The following FERRY3 variants were observed in gnomAD, a reference collection of about 807,000 sequenced individuals.
FERRY3 encodes FERRY endosomal RAB5 effector complex subunit 3.
chr12:4,534,138 A>G, the FERRY3 span: 3 of 1,537,684 alleles, frequency 2.0e-6, no homozygotes, highest in Non-Finnish European at 2.6e-6. Flanking sequence ...GAAATTTACA[A>G]TCTGACCTAT....
At chr12:4,523,908 T>C in the FERRY3 span, among the ~76,000 whole-genome samples, 1 of 152,102 alleles carries the variant, frequency 6.6e-6, no homozygotes, top group Non-Finnish European at 1.5e-5. Flanking sequence ...TGTATACATA[T>C]GTAACAAACC....
the FERRY3 span, among the ~76,000 whole-genome samples, chr12:4,495,871 G>A: frequency 6.6e-6 from 1 of 152,158 alleles, no homozygotes; most frequent in African/African-American, 2.4e-5. Flanking sequence ...TTTCATCAAT[G>A]CTATTTAGAG....
At chr12:4,520,362 TGAAC>T in the FERRY3 span, among the ~76,000 whole-genome samples, 3 of 152,106 alleles carry the variant, frequency 2.0e-5, no homozygotes, top group African/African-American at 4.8e-5. Flanking sequence ...GGAGAAGAGT[TGAAC>T]AAAGTGACCT....
the FERRY3 span, among the ~76,000 whole-genome samples, chr12:4,530,242 A>C: frequency 6.6e-6 from 1 of 152,122 alleles, no homozygotes; most frequent in South Asian, 2.1e-4. Flanking sequence ...AAATGTGGAG[A>C]GATACAGACT....
At chr12:4,489,933 A>G in the FERRY3 span, 1 of 1,317,934 alleles carries the variant, frequency 7.6e-7, no homozygotes, top group Non-Finnish European at 1.1e-6. Context: ...TGCACTTGTT[A>G]AATCATCATT....
chr12:4,528,327 C>T, the FERRY3 span, among the ~76,000 whole-genome samples: 11 of 152,000 alleles, frequency 7.2e-5, no homozygotes, highest in African/African-American at 1.7e-4. Context: ...TCTACTTTTA[C>T]GTATTTTTAA....
chr12:4,510,680 C>T, the FERRY3 span, among the ~76,000 whole-genome samples: 3 of 150,744 alleles, frequency 2.0e-5, no homozygotes, highest in East Asian at 5.8e-4. Context: ...AAATACTTTA[C>T]AGACAAGCAA....
chr12:4,494,423 G>A, the FERRY3 span, among the ~76,000 whole-genome samples: 1 of 152,156 alleles, frequency 6.6e-6, no homozygotes, highest in African/African-American at 2.4e-5. Flanking sequence ...GATGTCATCA[G>A]GATTTTCTTT....
chr12:4,508,827 C>T, the FERRY3 span: 2 of 151,996 alleles, frequency 1.3e-5, no homozygotes, highest in Non-Finnish European at 2.9e-5. Context: ...ATCTATGATA[C>T]ATGAAATATA....
the FERRY3 span, among the ~76,000 whole-genome samples, chr12:4,516,188 C>T: frequency 1.3e-4 from 20 of 152,086 alleles, no homozygotes; most frequent in African/African-American, 4.6e-4. Context: ...GTAATAATTA[C>T]GTCCACTTTA....
chr12:4,537,427 T>G, the FERRY3 span, among the ~76,000 whole-genome samples: 1 of 152,222 alleles, frequency 6.6e-6, no homozygotes, highest in Admixed American at 6.5e-5. Context: ...TACTGTCTTG[T>G]ATTCCATGTA....
At chr12:4,515,336 A>G in the FERRY3 span, among the ~76,000 whole-genome samples, 6 of 152,252 alleles carry the variant, frequency 3.9e-5, no homozygotes, top group African/African-American at 1.4e-4. Context: ...TAGTGTATAT[A>G]TCCGAAGGAA....
At chr12:4,521,713 CAAACT>C in the FERRY3 span, among the ~76,000 whole-genome samples, 2 of 152,088 alleles carry the variant, frequency 1.3e-5, no homozygotes, top group Admixed American at 6.5e-5. Context: ...AACAAACAAA[CAAACT>C]ATAGACCAAC....
At chr12:4,530,374 C>T in the FERRY3 span, among the ~76,000 whole-genome samples, 1 of 152,130 alleles carries the variant, frequency 6.6e-6, no homozygotes, top group Non-Finnish European at 1.5e-5. Context: ...AAATCACACA[C>T]ACACAGATGA....
At chr12:4,502,340 T>C in the FERRY3 span, 2 of 433,110 alleles carry the variant, frequency 4.6e-6, no homozygotes, top group Non-Finnish European at 9.1e-6. The surrounding 1 kb of genome is among the most constrained non-coding windows in gnomAD (Gnocchi z 4.2). Flanking sequence ...CGATAAGTAT[T>C]TGTTGAATGA....
chr12:4,514,494 C>T, the FERRY3 span, among the ~76,000 whole-genome samples: 20 of 152,234 alleles, frequency 1.3e-4, no homozygotes, highest in African/African-American at 4.6e-4. Flanking sequence ...TGGAACCAAC[C>T]CAAATGTCCA....
the FERRY3 span, chr12:4,534,401 A>G: frequency 1.3e-5 from 17 of 1,343,296 alleles, no homozygotes; most frequent in Non-Finnish European, 1.7e-5. Context: ...CTTATTGTTA[A>G]ATTTTTATTT....
the FERRY3 span, among the ~76,000 whole-genome samples, chr12:4,497,745 G>T: frequency 2.0e-5 from 3 of 152,148 alleles, no homozygotes; most frequent in African/African-American, 7.2e-5. Flanking sequence ...TTGCTGATAG[G>T]TTATTTTTCC....
the FERRY3 span, among the ~76,000 whole-genome samples, chr12:4,513,590 C>T: frequency 1.3e-5 from 2 of 151,936 alleles, no homozygotes; most frequent in Non-Finnish European, 2.9e-5. Flanking sequence ...AATAACGCCA[C>T]ATATCTACAA....
Sources: gnomAD v4.1 joint callset for allele counts (sites outside exome capture counted in the v4.1 genomes callset) on GRCh38, gnomAD v4.1.1 for gene constraint, Gnocchi (gnomAD v3.1) non-coding constraint, MANE v1.5 for transcripts, NCBI Gene and HGNC (gene_info 2026-07-23, HGNC 2026-07-21) for gene names.